The following MGRN1 variants were observed in gnomAD, a reference collection of about 807,000 sequenced individuals.
The protein encoded by MGRN1 is mahogunin ring finger 1.
MGRN1 carries 29 observed loss-of-function variants against 69.2 expected under a neutral mutation model. The observed-to-expected ratio is 0.42, with a 90% CI of 0.31 to 0.57. MGRN1 has a LOEUF of 0.57. MGRN1 is among the 20% of genes least tolerant of loss of function. The pLI is 0.15. For synonymous variants in MGRN1, 470 were observed against 344.2 expected (o/e 1.37, Z -4.04); for missense variants, 998 against 796.2 (o/e 1.25, Z -3.05).
chr16:4,678,475 G>T, intron 11 of MGRN1, among the ~76,000 whole-genome samples: 1 of 151,996 alleles, frequency 6.6e-6, no homozygotes, highest in East Asian at 1.9e-4. Context: ...AGAGAAAGAT[G>T]TGGAGAGACA....
Position 4,683,932 on chromosome 16 carries a change from G to GGT in MGRN1, c.1618+1_1618+2dup. On this transcript the variant is annotated frameshift_variant and splice_region_variant. Transcript: ENST00000262370. LOFTEE classifies it high-confidence loss of function. ...CCCACCTGCTGACATCTACCTGCCA[G>GGT]GTAAGGGGCTGGGGGTCTGGGGGTG... The GGT allele has an allele frequency of 6.3e-7, 1 of 1,599,808 alleles. No individual in the cohort carries two copies. Among genetic ancestry groups the GGT allele is most frequent in the Non-Finnish European group, 8.5e-7 (1 of 1,173,742 alleles).
chr16:4,647,631 A>G (rs531965138), intron 1 of MGRN1, among the ~76,000 whole-genome samples: 1 of 152,308 alleles, frequency 6.6e-6, no homozygotes, highest in East Asian at 1.9e-4. Flanking sequence ...TCAGAAAATG[A>G]TCTTGCAGTG....
chr16:4,655,932 T>G (rs992185222), intron 4 of MGRN1, among the ~76,000 whole-genome samples: 1 of 152,262 alleles, frequency 6.6e-6, no homozygotes, highest in African/African-American at 2.4e-5. Flanking sequence ...TGCCTTTTAC[T>G]GAGGCTGAGC....
chr16:4,652,169 TC>T, intron 3 of MGRN1, 118 bp downstream of exon 3: 1 of 919,196 alleles, frequency 1.1e-6, no homozygotes, highest in Non-Finnish European at 1.7e-6. Flanking sequence ...TTCTGCGCCC[TC>T]CCGTGTGGAA....
At chr16:4,652,552 G>A (rs564736635) in intron 3 of MGRN1, 126 bp from the exon 4 acceptor site, 3 of 1,242,526 alleles carry the variant, frequency 2.4e-6, no homozygotes, top group Admixed American at 2.9e-5. Context: ...CAGCCCCTAT[G>A]TCTACTGGAG....
chr16:4,671,557 C>T (rs2078937727), intron 9 of MGRN1, 98 bp downstream of exon 9: 1 of 1,107,484 alleles, frequency 9.0e-7, no homozygotes, highest in African/African-American at 1.5e-5. Context: ...CATGCCTTCC[C>T]CTGGAGTCCT....
At chr16:4,661,889 A>G (rs1027334638) in intron 5 of MGRN1, among the ~76,000 whole-genome samples, 2 of 152,206 alleles carry the variant, frequency 1.3e-5, no homozygotes, top group Admixed American at 6.5e-5. Context: ...TACGTGTGCC[A>G]TTCATTCTGG....
intron 4 of MGRN1, among the ~76,000 whole-genome samples, chr16:4,656,729 T>C (rs1032070874): frequency 3.3e-5 from 5 of 151,616 alleles, no homozygotes; most frequent in Non-Finnish European, 5.9e-5. Flanking sequence ...AAAAATAAAA[T>C]ATTAGCCTAG....
intron 12 of MGRN1, chr16:4,681,210 T>C: frequency 6.2e-6 from 2 of 324,880 alleles, no homozygotes; most frequent in Non-Finnish European, 1.1e-5. Context: ...CGCTCCCAGC[T>C]CCTGTCTGTC....
Position 4,690,486 on chromosome 16 carries a change from A to T in MGRN1, c.*1578A>T, listed in dbSNP as rs1459846916. On this transcript the variant is annotated 3_prime_UTR_variant, in exon 17 of 17. Coordinates refer to ENST00000262370, the MANE Select transcript of MGRN1 (RefSeq NM_015246.4). Reference sequence around the variant, plus strand: ...CAGCAGTGGACAGCATGGTCCTCACACCCAGCTCCCTGCACACCCAGGCCA... The same window carrying T: ...CAGCAGTGGACAGCATGGTCCTCACTCCCAGCTCCCTGCACACCCAGGCCA... The T allele has an allele frequency of 1.3e-5, 2 of 152,350 alleles. No individual in the cohort carries two copies. Among genetic ancestry groups the T allele is most frequent in the East Asian group, 3.9e-4 (2 of 5,170 alleles). The allele number at this position is 152,350 out of a possible 1,614,324, so 9.4% of individuals were successfully genotyped here.
At chr16:4,637,589 GC>G (rs1450788436) in intron 1 of MGRN1, among the ~76,000 whole-genome samples, 2 of 152,224 alleles carry the variant, frequency 1.3e-5, no homozygotes, top group African/African-American at 4.8e-5. Context: ...TGTATTGAAG[GC>G]TCCGAGGGAA....
chr16:4,629,147 CGTATGTGTGTGTGTGTGTGTGTGT>C (rs1897855716), intron 1 of MGRN1, among the ~76,000 whole-genome samples: 1 of 48,652 alleles, frequency 2.1e-5, no homozygotes, highest in Non-Finnish European at 4.4e-5. Flanking sequence ...GCTTTCTGTT[CGTATGTGTGTGTGTGTGTGTGTGT>C]GTGTGTGTGT....
intron 1 of MGRN1, among the ~76,000 whole-genome samples, chr16:4,637,264 T>C (rs1898349968): frequency 6.6e-6 from 1 of 151,392 alleles, no homozygotes; most frequent in Non-Finnish European, 1.5e-5. Context: ...ACCCCGTCTC[T>C]ACTAAAAATT....
chr16:4,686,281 T>C, intron 16 of MGRN1: 1 of 1,545,036 alleles, frequency 6.5e-7, no homozygotes, highest in Non-Finnish European at 8.7e-7. Context: ...ACTCCTGCTC[T>C]GTTGGTATAG....
intron 13 of MGRN1, among the ~76,000 whole-genome samples, chr16:4,682,145 A>C (rs959657087): frequency 6.6e-6 from 1 of 152,004 alleles, no homozygotes; most frequent in African/African-American, 2.4e-5. Flanking sequence ...ACGTAGGCCC[A>C]CTCTGCCGGT....
rs1327970252 is a variant in MGRN1, at chr16:4,652,727, G to T, written c.346G>T (p.Val116Leu). The part of the protein sequence containing the change: ...SPTEDGDKPR[V>L]LYSLEFTFDA... Reference sequence around the variant, plus strand: ...CACCGAGGACGGCGACAAGCCCCGGGTGCTCTACAGCCTGGAGTTCACCTT... The same window carrying T: ...CACCGAGGACGGCGACAAGCCCCGGTTGCTCTACAGCCTGGAGTTCACCTT... Residue 116 changes from valine to leucine, a missense_variant, in exon 4 of 17, where the codon GTG becomes TTG. Val to Leu is a conservative substitution (Grantham distance 32). Transcript: ENST00000262370. The T allele has an allele frequency of 2.2e-5, 36 of 1,612,798 alleles. No individual in the cohort carries two copies. Among genetic ancestry groups the T allele is most frequent in the Non-Finnish European group, 2.9e-5 (34 of 1,179,474 alleles).
At chr16:4,629,412 C>A (rs1163982866) in intron 1 of MGRN1, among the ~76,000 whole-genome samples, 1 of 152,060 alleles carries the variant, frequency 6.6e-6, no homozygotes, top group Non-Finnish European at 1.5e-5. Flanking sequence ...TCATTTACTG[C>A]TTTTTAAGTG....
chr16:4,688,231 C>T, intron 16 of MGRN1: 1 of 985,742 alleles, frequency 1.0e-6, no homozygotes, highest in Non-Finnish European at 1.2e-6. Context: ...GCCCAAGCCC[C>T]AGGGACGCCA....
chr16:4,671,283 C>G lies in MGRN1; in HGVS notation c.727-108C>G, dbSNP rs775329750. On this transcript the variant is annotated intron_variant, in intron 8 of 16. Transcript: ENST00000262370. ...CCCAGGGGTTGAGCTGGACTGACCC[C>G]TGGTATGGAAGCCTGGTAAGTTGGA... 10 of 1,070,894 alleles carry G rather than the reference C, an allele frequency of 9.3e-6. No individual in the cohort carries two copies. The Admixed American group carries it at 1.3e-4, about 13-fold the overall frequency. 66.3% of individuals were successfully genotyped at this position (1,070,894 alleles called of 1,614,324 possible). A position where few individuals can be genotyped will look rare whatever the true frequency, so the allele number is the denominator to read the frequency against.
Sources: allele counts gnomAD v4.1 joint callset (sites outside exome capture counted in the v4.1 genomes callset), GRCh38; gene constraint gnomAD v4.1.1; transcripts MANE v1.5; gene names NCBI Gene and HGNC (gene_info 2026-07-23, HGNC 2026-07-21).